The following ABCB5 variants were observed in gnomAD, a reference collection of about 807,000 sequenced individuals.
ABCB5 encodes the protein ATP binding cassette subfamily B member 5.
In ABCB5, 155 loss-of-function variants were observed where a neutral mutation model predicts 144.2. That is an observed-to-expected ratio of 1.08 (90% CI 0.94 to 1.23). The LOEUF (loss-of-function observed/expected upper bound fraction) is 1.23, where lower values mean the gene tolerates loss of function less well. Ranked by LOEUF, ABCB5 falls within the 50% of genes most tolerant of loss-of-function variation. The pLI, the probability that ABCB5 is intolerant of heterozygous loss-of-function variation, is 0.00. For missense variants in ABCB5, 1,830 were observed against 1,520.8 expected, an observed-to-expected ratio of 1.20 and a Z score of -3.38; for synonymous variants, 610 against 528.6, an observed-to-expected ratio of 1.15 and a Z score of -2.11.
chr7:20,722,174 A>G (rs1006431623), intron 20 of ABCB5, among the ~76,000 whole-genome samples: 2 of 152,206 alleles, frequency 1.3e-5, no homozygotes, highest in African/African-American at 4.8e-5. Flanking sequence ...ATTACCAAGA[A>G]CTTATCTGTA....
At chr7:20,649,249 C>T (rs1784505942) in intron 11 of ABCB5, among the ~76,000 whole-genome samples, 1 of 152,114 alleles carries the variant, frequency 6.6e-6, no homozygotes, top group South Asian at 2.1e-4. Context: ...CTCGGCTTGG[C>T]CCTCTGAAGG....
At chr7:20,732,304 A>G (rs1211501988) in intron 23 of ABCB5, among the ~76,000 whole-genome samples, 2 of 152,192 alleles carry the variant, frequency 1.3e-5, no homozygotes, top group African/African-American at 4.8e-5. Flanking sequence ...GGTCCAAAGT[A>G]GTTCCCCTAA....
chr7:20,744,603 A>G (rs1431063927), intron 25 of ABCB5, among the ~76,000 whole-genome samples: 1 of 148,858 alleles, frequency 6.7e-6, no homozygotes, highest in Non-Finnish European at 1.5e-5. Context: ...CTGCTAAAAT[A>G]TAAGCTACAT....
chr7:20,694,838 A>T lies in ABCB5; in HGVS notation c.2011-3569A>T, dbSNP rs146417064. Among the ~76,000 whole-genome samples the T allele has an allele frequency of 7.7e-4, 117 of 152,210 alleles. 3 individuals carry two copies. In the East Asian group the frequency reaches 0.015, roughly 20 times the overall value. ...AAATTAAAAATAAAAAAATAATTTT[A>T]TGTACAATAGTACCAAAATATTAAA... is the stretch of plus-strand genomic sequence containing the variant. On this transcript the variant is annotated intron_variant, in intron 16 of 27. Transcript: ENST00000404938.
Position 20,722,984 on chromosome 7 carries a change from A to C in ABCB5, c.2422-32A>C, listed in dbSNP as rs1583451672. 20 of 1,597,740 alleles carry C rather than the reference A, an allele frequency of 1.3e-5. No individual in the cohort carries two copies. The East Asian group carries it at 4.2e-4, about 34-fold the overall frequency. On this transcript the variant is annotated intron_variant, in intron 20 of 27. Coordinates refer to ENST00000404938, the MANE Select transcript of ABCB5 (RefSeq NM_001163941.2). ...ACTCTTGTAAATGTAAAGTTAATTG[A>C]GTTTTTTCCCCCAAAATATGTCTGA...
intron 20 of ABCB5, among the ~76,000 whole-genome samples, chr7:20,705,893 G>A (rs1291761339): frequency 6.6e-6 from 1 of 151,956 alleles, no homozygotes; most frequent in Non-Finnish European, 1.5e-5. Context: ...GAATAAGTGG[G>A]TTACAGTTGT....
intron 3 of ABCB5, among the ~76,000 whole-genome samples, chr7:20,627,127 G>A (rs7802291): frequency 0.31 from 46,948 of 151,838 alleles, 7,484 homozygotes; most frequent in Non-Finnish European, 0.36. Flanking sequence ...TTTAAGGAGC[G>A]TTTCATGCAT....
intron 5 of ABCB5, among the ~76,000 whole-genome samples, chr7:20,638,684 G>T (rs183900835): frequency 3.3e-5 from 5 of 152,238 alleles, no homozygotes; most frequent in Non-Finnish European, 5.9e-5. Context: ...TAACAGGTAG[G>T]AGTAGTTTAT....
intron 16 of ABCB5, among the ~76,000 whole-genome samples, chr7:20,690,271 TATAG>T (rs1350258328): frequency 1.3e-5 from 2 of 152,232 alleles, no homozygotes; most frequent in African/African-American, 4.8e-5. Flanking sequence ...ACATTGCCCT[TATAG>T]ATAATTTACA....
intron 24 of ABCB5, 76 bp from the exon 25 acceptor site, chr7:20,742,801 A>T: frequency 7.0e-7 from 1 of 1,420,572 alleles, no homozygotes; most frequent in South Asian, 1.2e-5. Flanking sequence ...TTTCAAAATG[A>T]ACTTGGCCAG....
chr7:20,660,950 G>T (rs975984765), intron 14 of ABCB5, among the ~76,000 whole-genome samples: 1 of 152,056 alleles, frequency 6.6e-6, no homozygotes, highest in African/African-American at 2.4e-5. Flanking sequence ...AAAAAATCAG[G>T]TCAGCAGTTT....
In ABCB5 at chr7:20,685,753, AC is replaced by A. The variant is rs1299798165; in HGVS notation, c.1929del (p.Asn644ThrfsTer8). 5.6e-6 allele frequency: 9 copies of A among 1,613,602 alleles called. No homozygotes were observed. Among genetic ancestry groups the A allele is most frequent in the Non-Finnish European group, 7.6e-6 (9 of 1,179,632 alleles). On this transcript the variant is annotated frameshift_variant, in exon 16 of 28. Transcript: ENST00000404938. LOFTEE classifies it high-confidence loss of function. ...AATGACATATTCTACTGAAAGAAAG[AC>A]CAACTCACTTCCTCTGCACTCTGTG... ...ESMTYSTERKTNSLPLHSVKS... is the reference protein window; with the variant it reads ...ESMTYSTERKXNSLPLHSVKS...
At chr7:20,714,773 T>C (rs1262700769) in intron 20 of ABCB5, among the ~76,000 whole-genome samples, 1 of 152,188 alleles carries the variant, frequency 6.6e-6, no homozygotes, top group African/African-American at 2.4e-5. Context: ...TACAAGCCAC[T>C]TCGTAGAAAG....
chr7:20,651,582 A>T lies in ABCB5; in HGVS notation c.1495A>T (p.Arg499Trp). 1 of 1,614,138 alleles carries T rather than the reference A, an allele frequency of 6.2e-7. No homozygotes were observed. The highest frequency in any genetic ancestry group is 8.5e-7 in the Non-Finnish European group (1 of 1,180,000). ...VTDEEMERAA[R>W]EANAYDFIME... is the part of the protein sequence containing the mutation. Reference sequence around the variant, plus strand: ...TGATGAAGAGATGGAGAGAGCAGCAAGGGAAGCAAATGCGTATGATTTTAT... The same window carrying T: ...TGATGAAGAGATGGAGAGAGCAGCATGGGAAGCAAATGCGTATGATTTTAT... The change falls in exon 13 of 28, where the codon AGG (arginine) becomes TGG (tryptophan). Residue 499 changes from arginine to tryptophan, a missense_variant. Physicochemically the swap from Arg to Trp is moderately radical, Grantham distance 101. Transcript: ENST00000404938.
At chr7:20,697,690 C>G (rs193180366) in intron 16 of ABCB5, among the ~76,000 whole-genome samples, 1 of 152,320 alleles carries the variant, frequency 6.6e-6, no homozygotes, top group African/African-American at 2.4e-5. Flanking sequence ...AATCCTTCCT[C>G]TGTAATAACA....
chr7:20,702,776 C>T (rs2128043955), intron 19 of ABCB5, among the ~76,000 whole-genome samples: 1 of 151,228 alleles, frequency 6.6e-6, no homozygotes, highest in East Asian at 1.9e-4. Flanking sequence ...ATTCTCATGC[C>T]TCAGCCTCCT....
At chr7:20,723,258 G>C in intron 21 of ABCB5, 39 bp downstream of exon 21, 1 of 1,590,128 alleles carries the variant, frequency 6.3e-7, no homozygotes. Flanking sequence ...AACATTTAAA[G>C]AGAAAAACAG....
intron 14 of ABCB5, among the ~76,000 whole-genome samples, chr7:20,671,044 G>A (rs1785448652): frequency 6.6e-6 from 1 of 152,174 alleles, no homozygotes; most frequent in South Asian, 2.1e-4. Flanking sequence ...AAGCATGTTA[G>A]TGCTTAGTAT....
chr7:20,728,295 G>A lies in ABCB5; in HGVS notation c.2727-20G>A, dbSNP rs2128051321. 1 of 1,610,814 alleles carries A rather than the reference G, an allele frequency of 6.2e-7. No homozygotes were observed. The highest frequency in any genetic ancestry group is 2.2e-5 in the East Asian group (1 of 44,748). ...GCTATAATTCATGCCTCATTATTTGGTAAATTTTGTACATTCCAGAAATAC... is the reference window on the plus strand; with the variant it reads ...GCTATAATTCATGCCTCATTATTTGATAAATTTTGTACATTCCAGAAATAC... On this transcript the variant is annotated intron_variant, in intron 22 of 27. Coordinates refer to ENST00000404938, the MANE Select transcript of ABCB5 (RefSeq NM_001163941.2).
Sources: gnomAD v4.1 joint callset for allele counts (sites outside exome capture counted in the v4.1 genomes callset) on GRCh38, gnomAD v4.1.1 for gene constraint, MANE v1.5 for transcripts, NCBI Gene and HGNC (gene_info 2026-07-23, HGNC 2026-07-21) for gene names.